The following SHOX variants were observed in gnomAD, a reference collection of about 807,000 sequenced individuals.
The protein encoded by SHOX is SHOX homeobox, also known as short stature homeobox protein.
In SHOX, 12 loss-of-function variants were observed where a neutral mutation model predicts 29.6. That is an observed-to-expected ratio of 0.41 (90% CI 0.26 to 0.66). The LOEUF (loss-of-function observed/expected upper bound fraction) is 0.66, where lower values mean the gene tolerates loss of function less well. Ranked by LOEUF, SHOX falls within the 30% of genes least tolerant of loss-of-function variation. The pLI, the probability that SHOX is intolerant of heterozygous loss-of-function variation, is 0.35. For synonymous variants in SHOX, 214 were observed against 200.6 expected, an observed-to-expected ratio of 1.07 and a Z score of -0.57; for missense variants, 499 against 437.7, an observed-to-expected ratio of 1.14 and a Z score of -1.25.
rs183238749 is a variant in SHOX, at chrX:641,636, C to T, written c.633+549C>T. Among the ~76,000 whole-genome samples the T allele has an allele frequency of 2.0e-4, 30 of 149,824 alleles. No homozygotes were observed. In the East Asian group the frequency reaches 5.1e-3, roughly 26 times the overall value. On this transcript the variant is annotated intron_variant, in intron 4 of 4. Transcript: ENST00000686671. ...TGGAGGTTGCCGTGAGCCAATATCGCGCCACTGCACTCCACTCTGGGTGAC... is the reference window on the plus strand; with the variant it reads ...TGGAGGTTGCCGTGAGCCAATATCGTGCCACTGCACTCCACTCTGGGTGAC...
chrX:634,997 G>T (rs1247664375), intron 2 of SHOX, among the ~76,000 whole-genome samples, 171 bp downstream of exon 2: 1 of 152,150 alleles, frequency 6.6e-6, no homozygotes, highest in African/African-American at 2.4e-5. Flanking sequence ...GACGCCTGAG[G>T]CCTGTAGGAT....
At chrX:654,777 C>T (rs1240720530), downstream of SHOX, among the ~76,000 whole-genome samples, 6 of 151,834 alleles carry the variant, frequency 4.0e-5, no homozygotes, top group South Asian at 4.2e-4. Flanking sequence ...TTCTGCCTCC[C>T]GGGTTCAAGC....
In SHOX at chrX:648,390, A is replaced by C. The variant is rs2124202488; in HGVS notation, c.*3754A>C. 6.6e-6 allele frequency among the ~76,000 whole-genome samples: 1 copy of C among 152,242 alleles called. No homozygotes were observed. The highest frequency in any genetic ancestry group is 6.5e-5 in the Admixed American group (1 of 15,290). ...CAGGCACCTGCCACCAGGCCTGGGT[A>C]ATTTTTTTGCATTTTTGGTAGAGAC... On this transcript the variant is annotated 3_prime_UTR_variant, in exon 5 of 5. Transcript: ENST00000686671.
rs28483025 is a variant in SHOX at position 648,586 on chromosome X, G to A, written c.*3950G>A. On this transcript the variant is annotated 3_prime_UTR_variant, in exon 5 of 5. Transcript: ENST00000686671. ...TCTCAACTGTGCGGGGACGGTTTCA[G>A]TTTGATTTAATATGGAAAGAGGGCC... 0.039 allele frequency among the ~76,000 whole-genome samples: 5,986 copies of A among 152,112 alleles called. 366 individuals carry two copies. Among genetic ancestry groups the A allele is most frequent in the African/African-American group, 0.14 (5,684 of 41,498 alleles).
chrX:634,626 G>A lies in SHOX; in HGVS notation c.286G>A (p.Glu96Lys), dbSNP rs1271721584. 3 of 1,613,572 alleles carry A rather than the reference G, an allele frequency of 1.9e-6. No homozygotes were observed. Among genetic ancestry groups the A allele is most frequent in the Non-Finnish European group, 2.5e-6 (3 of 1,179,864 alleles). ...CTCCGCTCCCCACGCAGGGATTTAT[G>A]AATGCAAAGAGAAGCGCGAGGACGT... ...GTARVAEGIY[E>K]CKEKREDVKS... The change falls in exon 2 of 5, where the codon GAA becomes AAA. Residue 96 changes from glutamate (E) to lysine (K), a missense_variant. Transcript: ENST00000686671.
chrX:658,088 C>T (rs1299211549), intron 5 of SHOX, among the ~76,000 whole-genome samples: 3 of 152,068 alleles, frequency 2.0e-5, no homozygotes, highest in Non-Finnish European at 4.4e-5. Context: ...GATTCTCCTG[C>T]CTCAGCCTCC....
intron 4 of SHOX, among the ~76,000 whole-genome samples, chrX:643,068 CCCGGGAGAG>C (rs2052887657): frequency 6.8e-6 from 1 of 146,248 alleles, no homozygotes; most frequent in Non-Finnish European, 1.5e-5. Flanking sequence ...GATCTGGTGT[CCCGGGAGAG>C]CCTTGGGGAC....
At chrX:636,009 TC>T (rs1486542517) in intron 2 of SHOX, among the ~76,000 whole-genome samples, 3 of 152,038 alleles carry the variant, frequency 2.0e-5, no homozygotes, top group Admixed American at 2.0e-4. Context: ...GAAAGCCCGT[TC>T]CCGTAGGACT....
Position 649,920 on chromosome X carries a change from T to TTC in SHOX, c.*5294_*5295dup. ...TGACATATCCACTTTTCTCTCTCTT[T>TTC]TCTCTCTCTCTGACTGCGAAGCACC... On this transcript the variant is annotated 3_prime_UTR_variant, in exon 5 of 5. Transcript: ENST00000686671. The TTC allele has an allele frequency of 2.2e-6, 1 of 455,676 alleles. No homozygotes were observed. Among genetic ancestry groups the TTC allele is most frequent in the South Asian group, 1.6e-5 (1 of 64,448 alleles). 28.2% of individuals were successfully genotyped at this position (455,676 alleles called of 1,614,324 possible). A position where few individuals can be genotyped will look rare whatever the true frequency, so the allele number is the denominator to read the frequency against.
At chrX:657,684 A>C (rs1332960289) in intron 5 of SHOX, among the ~76,000 whole-genome samples, 20 of 152,130 alleles carry the variant, frequency 1.3e-4, no homozygotes, top group Non-Finnish European at 1.5e-5. Flanking sequence ...TTCCCCAGGG[A>C]ACCGTAACCC....
intron 1 of SHOX, among the ~76,000 whole-genome samples, chrX:632,166 C>T (rs2052662647): frequency 6.6e-6 from 1 of 152,242 alleles, no homozygotes; most frequent in African/African-American, 2.4e-5. Context: ...CGAGGGGCCC[C>T]GGGGAAGCTG....
At chrX:625,265 C>T (rs938977994) in intron 1 of SHOX, among the ~76,000 whole-genome samples, 1 of 146,922 alleles carries the variant, frequency 6.8e-6, no homozygotes, top group Non-Finnish European at 1.5e-5. Context: ...CCTCCTCTTC[C>T]CTCTGCCATT....
At chrX:633,038 G>A (rs925473300) in intron 1 of SHOX, among the ~76,000 whole-genome samples, 2 of 152,154 alleles carry the variant, frequency 1.3e-5, no homozygotes, top group Non-Finnish European at 2.9e-5. Context: ...AAGACCCAGG[G>A]CCACAGGAGA....
At chrX:642,692 G>A (rs1219044054) in intron 4 of SHOX, among the ~76,000 whole-genome samples, 40 of 152,210 alleles carry the variant, frequency 2.6e-4, no homozygotes, top group Admixed American at 1.8e-3. Flanking sequence ...TTTGCGCACC[G>A]GAGTCTTGGG....
At chrX:636,970 A>ATATATATT (rs1458275715) in intron 2 of SHOX, among the ~76,000 whole-genome samples, 12 of 137,346 alleles carry the variant, frequency 8.7e-5, no homozygotes, top group African/African-American at 3.3e-4. Flanking sequence ...ATATATATAT[A>ATATATATT]TTTTGGCTCC....
chrX:649,708 C>G lies in SHOX; in HGVS notation c.*5072C>G, dbSNP rs769381691. Among the ~76,000 whole-genome samples, 1 of 152,210 alleles carries G rather than the reference C, an allele frequency of 6.6e-6. No individual in the cohort carries two copies. Among genetic ancestry groups the G allele is most frequent in the Admixed American group, 6.5e-5 (1 of 15,270 alleles). On this transcript the variant is annotated 3_prime_UTR_variant, in exon 5 of 5. Coordinates refer to ENST00000686671, the MANE Select transcript of SHOX (RefSeq NM_000451.4). ...TTGGTGTGTGAGATCCGTACCAGCT[C>G]CAGCACACTGATAGGAACACGTTGC...
upstream of SHOX, chrX:630,709 C>A: frequency 1.4e-6 from 1 of 694,454 alleles, no homozygotes; most frequent in African/African-American, 1.8e-5. Context: ...GCCCGGAGAC[C>A]AGTAATTGCA....
downstream of SHOX, among the ~76,000 whole-genome samples, chrX:654,621 A>C (rs1008334699): frequency 5.3e-5 from 8 of 152,208 alleles, no homozygotes; most frequent in Admixed American, 1.3e-4. Context: ...TCAAATAATT[A>C]GGCAGGCATG....
chrX:633,191 G>A (rs1223138993), intron 1 of SHOX, among the ~76,000 whole-genome samples: 1 of 152,204 alleles, frequency 6.6e-6, no homozygotes, highest in Non-Finnish European at 1.5e-5. Flanking sequence ...TGAGGTTACC[G>A]TGGAAGCCTG....
Sources: gnomAD v4.1 joint callset for allele counts (sites outside exome capture counted in the v4.1 genomes callset) on GRCh38, gnomAD v4.1.1 for gene constraint, MANE v1.5 for transcripts, NCBI Gene and HGNC (gene_info 2026-07-23, HGNC 2026-07-21) for gene names.